Variants in ZBTB16 observed in about 807,000 individuals in gnomAD.
The protein encoded by ZBTB16 is zinc finger and BTB domain-containing protein 16.
ZBTB16 carries 8 observed loss-of-function variants against 56.8 expected under a neutral mutation model. The observed-to-expected ratio is 0.14, with a 90% CI of 0.08 to 0.25. ZBTB16 has a LOEUF of 0.25. Ranked by LOEUF, ZBTB16 falls within the 10% of genes least tolerant of loss-of-function variation. The probability of loss-of-function intolerance (pLI) is 1.00; values close to 1 mark genes in which losing one functional copy is unlikely to be tolerated. For missense variants in ZBTB16, 625 were observed against 903.0 expected (o/e 0.69, Z 3.95); for synonymous variants, 363 against 368.5 (o/e 0.98, Z 0.17).
intron 4 of ZBTB16, among the ~76,000 whole-genome samples, chr11:114,228,500 A>G (rs1329362505): frequency 1.8e-4 from 28 of 152,116 alleles, no homozygotes; most frequent in Admixed American, 1.6e-3. Flanking sequence ...GAGTTCACCA[A>G]TCTCCTGAAT....
rs1302661424 is a variant in ZBTB16, at chr11:114,242,263, G to A, written c.1550G>A (p.Ser517Asn). 1.9e-6 allele frequency: 3 copies of A among 1,613,976 alleles called. No individual in the cohort carries two copies. Among genetic ancestry groups the A allele is most frequent in the African/African-American group, 1.3e-5 (1 of 74,948 alleles). ...ATGGAGGTCCACGCGGGCGTGCGCA[G>A]CTACATCTGCAGTGAGTGCAACCGC... ...QHMEVHAGVRSYICSECNRTF... is the reference protein window; with the variant it reads ...QHMEVHAGVRNYICSECNRTF... Residue 517 changes from serine (S) to asparagine (N), a missense_variant, in exon 5 of 7, where the codon AGC (serine) becomes AAC (asparagine). Coordinates refer to ENST00000335953, the MANE Select transcript of ZBTB16 (RefSeq NM_006006.6).
chr11:114,208,953 C>A (rs1462827888), intron 4 of ZBTB16, among the ~76,000 whole-genome samples: 1 of 152,176 alleles, frequency 6.6e-6, no homozygotes, highest in Non-Finnish European at 1.5e-5. Flanking sequence ...ATTCCAGATC[C>A]ATAACCTCTA....
At chr11:114,142,442 C>A (rs1225169083) in intron 2 of ZBTB16, among the ~76,000 whole-genome samples, 1 of 152,206 alleles carries the variant, frequency 6.6e-6, no homozygotes, top group Non-Finnish European at 1.5e-5. Context: ...GGCCTGTAAT[C>A]TACCTTCATT....
chr11:114,130,587 C>T (rs772138676), intron 2 of ZBTB16, among the ~76,000 whole-genome samples: 4 of 152,244 alleles, frequency 2.6e-5, no homozygotes, highest in Non-Finnish European at 5.9e-5. Flanking sequence ...TGTGGGTAGG[C>T]AGCAGTCCCT....
chr11:114,159,792 A>G (rs190126186), intron 3 of ZBTB16, among the ~76,000 whole-genome samples: 1 of 152,204 alleles, frequency 6.6e-6, no homozygotes, highest in Non-Finnish European at 1.5e-5. Context: ...CTGCTGCTCT[A>G]TTTTGAAGGT....
intron 2 of ZBTB16, among the ~76,000 whole-genome samples, chr11:114,148,783 G>T (rs187951430): frequency 2.0e-5 from 3 of 151,872 alleles, no homozygotes; most frequent in Admixed American, 1.3e-4. Context: ...GTGAGCCACC[G>T]CGCCCGCCTG....
chr11:114,082,107 C>A (rs910824152), intron 2 of ZBTB16, among the ~76,000 whole-genome samples: 2 of 81,092 alleles, frequency 2.5e-5, no homozygotes, highest in Non-Finnish European at 2.5e-5. Flanking sequence ...TATAGCGAGA[C>A]GATCTTTACA....
chr11:114,072,344 C>T (rs1458662306), intron 2 of ZBTB16, among the ~76,000 whole-genome samples: 1 of 152,192 alleles, frequency 6.6e-6, no homozygotes, highest in African/African-American at 2.4e-5. Flanking sequence ...CATTCCAGTT[C>T]TCGTTTAAAT....
intron 3 of ZBTB16, among the ~76,000 whole-genome samples, chr11:114,164,613 G>A (rs1039139329): frequency 3.9e-5 from 6 of 152,144 alleles, no homozygotes; most frequent in African/African-American, 1.4e-4. Flanking sequence ...GGGCCTTTTC[G>A]TCTTCCCTTG....
chr11:114,064,308 G>C lies in ZBTB16; in HGVS notation c.1008G>C (p.Val336=). The C allele has an allele frequency of 6.2e-7, 1 of 1,614,112 alleles. No individual in the cohort carries two copies. Among genetic ancestry groups the C allele is most frequent in the African/African-American group, 1.3e-5 (1 of 75,054 alleles). ...AGAAGCATCTGGGCATCTACTCCGT[G>C]TTGCCCAACCACAAGGCTGACGCTG... ...PPEKHLGIYS[V]LPNHKADAVL... is the part of the protein sequence containing the mutation. The change falls in exon 2 of 7, where the codon GTG becomes GTC. Residue 336 remains valine (V), a synonymous_variant. Transcript: ENST00000335953. The surrounding 1 kb of genome is among the most constrained non-coding windows in gnomAD (Gnocchi z 4.2).
At position 114,256,143 on chromosome 11, in the gene ZBTB16, G is replaced by C. The variant is rs576132770; in HGVS notation, c.*5588G>C. ...ATTACACATATTTAGACTTATCTAT[G>C]TGTCACTTTTATGCCACATTTACAA... On this transcript the variant is annotated 3_prime_UTR_variant, in exon 7 of 7. Transcript: ENST00000335953. 5.9e-5 allele frequency among the ~76,000 whole-genome samples: 9 copies of C among 151,492 alleles called. No homozygotes were observed. The East Asian group carries it at 1.6e-3, about 26-fold the overall frequency.
intron 3 of ZBTB16, among the ~76,000 whole-genome samples, chr11:114,170,379 C>A (rs998071405): frequency 6.6e-6 from 1 of 152,214 alleles, no homozygotes; most frequent in Non-Finnish European, 1.5e-5. Flanking sequence ...CCTCGGACCA[C>A]GTGGGTGAAG....
At chr11:114,188,527 G>A (rs1456146011) in intron 4 of ZBTB16, 1 of 152,132 alleles carries the variant, frequency 6.6e-6, no homozygotes, top group Non-Finnish European at 1.5e-5. Context: ...GATGAAATAA[G>A]GTATTTTATT....
chr11:114,182,358 T>A (rs567504087), intron 3 of ZBTB16, among the ~76,000 whole-genome samples: 41 of 152,156 alleles, frequency 2.7e-4, no homozygotes, highest in Non-Finnish European at 5.9e-4. Flanking sequence ...CCCTCTTCAT[T>A]TAATTTATTT....
chr11:114,076,349 G>A (rs12283291), intron 2 of ZBTB16, among the ~76,000 whole-genome samples: 3,759 of 152,260 alleles, frequency 0.025, 153 homozygotes, highest in African/African-American at 0.083. Context: ...TTTGGAGAAA[G>A]GGCCACTGGC....
chr11:114,096,798 A>G (rs1281311816), intron 2 of ZBTB16, among the ~76,000 whole-genome samples: 1 of 152,174 alleles, frequency 6.6e-6, no homozygotes, highest in Non-Finnish European at 1.5e-5. Context: ...TGTTGACTTC[A>G]GTTTTCTAAT....
intron 4 of ZBTB16, chr11:114,209,336 T>C (rs1943951391): frequency 1.0e-6 from 1 of 975,782 alleles, no homozygotes; most frequent in Non-Finnish European, 1.2e-6. Context: ...AGGCTGTTAC[T>C]AATCCCGTTC....
chr11:114,149,659 C>T (rs543624422), intron 2 of ZBTB16, among the ~76,000 whole-genome samples: 2 of 152,280 alleles, frequency 1.3e-5, no homozygotes, highest in African/African-American at 2.4e-5. Context: ...CAGGGAGCAA[C>T]GAACTCTATT....
intron 2 of ZBTB16, among the ~76,000 whole-genome samples, chr11:114,081,163 C>A (rs948112408): frequency 6.6e-6 from 1 of 152,204 alleles, no homozygotes; most frequent in Non-Finnish European, 1.5e-5. Flanking sequence ...GTAGGCAAGA[C>A]TAGAATCTGA....
Sources: gnomAD v4.1 joint callset for allele counts (sites outside exome capture counted in the v4.1 genomes callset) on GRCh38, gnomAD v4.1.1 for gene constraint, Gnocchi (gnomAD v3.1) non-coding constraint, MANE v1.5 for transcripts, NCBI Gene and HGNC (gene_info 2026-07-23, HGNC 2026-07-21) for gene names.